Variants in SUPV3L1 observed in about 807,000 individuals in gnomAD.
SUPV3L1 encodes the protein Suv3 like RNA helicase, also known as ATP-dependent RNA helicase SUPV3L1, mitochondrial.
SUPV3L1 carries 35 observed loss-of-function variants against 70.0 expected under a neutral mutation model. The observed-to-expected ratio is 0.50, with a 90% CI of 0.38 to 0.66. The LOEUF is 0.66. SUPV3L1 is among the 30% of genes least tolerant of loss of function. The pLI is 0.00. For missense variants in SUPV3L1, 777 were observed against 961.5 expected (o/e 0.81, Z 2.54); for synonymous variants, 364 against 341.9 (o/e 1.06, Z -0.71).
chr10:69,182,486 T>C (rs1842093996), intron 1 of SUPV3L1: 1 of 980,150 alleles, frequency 1.0e-6, no homozygotes, highest in South Asian at 4.7e-5. Flanking sequence ...TGCCTTATTG[T>C]ATTCAAATAT....
At position 69,203,517 on chromosome 10, in the gene SUPV3L1, A is replaced by T. The variant is rs562400783; in HGVS notation, c.1776+474A>T. ...TGTCTCTACTAAAAATACAAAAATT[A>T]TCCGGGCATGGTGGTGGGCACCTGT... On this transcript the variant is annotated intron_variant, in intron 13 of 14. Coordinates refer to ENST00000359655, the MANE Select transcript of SUPV3L1 (RefSeq NM_003171.5). Among the ~76,000 whole-genome samples, 458 of 151,860 alleles carry T rather than the reference A, an allele frequency of 3.0e-3. 7 individuals are homozygous for T. Among genetic ancestry groups the T allele is most frequent in the African/African-American group, 0.01 (431 of 41,462 alleles).
At chr10:69,194,688 A>G (rs776980348) in intron 6 of SUPV3L1, among the ~76,000 whole-genome samples, 2 of 149,300 alleles carry the variant, frequency 1.3e-5, no homozygotes, top group Non-Finnish European at 2.9e-5. Flanking sequence ...AGGCAGGAGG[A>G]TTGCTTGAGC....
At chr10:69,187,120 G>A (rs750331314) in intron 3 of SUPV3L1, among the ~76,000 whole-genome samples, 13 of 152,064 alleles carry the variant, frequency 8.5e-5, no homozygotes, top group African/African-American at 2.2e-4. Flanking sequence ...AAATGTTTGC[G>A]CCTTCATCTC....
rs1268590239 is a variant in SUPV3L1 at position 69,197,207 on chromosome 10, T to G, written c.1023+124T>G. The G allele has an allele frequency of 6.6e-6, 5 of 758,198 alleles. No individual in the cohort carries two copies. The African/African-American group carries it at 7.0e-5, about 11-fold the overall frequency. The allele number at this position is 758,198 out of a possible 1,614,324, so 47.0% of individuals were successfully genotyped here. ...CTTAACTAAAAAGAAAGCTTCATTT[T>G]CTTGTGATCAACTAGACCATATATA... On this transcript the variant is annotated intron_variant, in intron 8 of 14. Coordinates refer to ENST00000359655, the MANE Select transcript of SUPV3L1 (RefSeq NM_003171.5).
chr10:69,200,918 A>G (rs1037293920), intron 11 of SUPV3L1, among the ~76,000 whole-genome samples: 8 of 152,236 alleles, frequency 5.3e-5, no homozygotes, highest in Admixed American at 5.2e-4. Flanking sequence ...AACTTCATCC[A>G]GTGAGGAGAA....
chr10:69,198,255 A>G, intron 8 of SUPV3L1, 117 bp from the exon 9 acceptor site: 2 of 816,190 alleles, frequency 2.5e-6, no homozygotes, highest in Non-Finnish European at 3.8e-6. Context: ...TTTGAAAAAC[A>G]TTGGTACTTA....
intron 13 of SUPV3L1, 111 bp from the exon 14 acceptor site, chr10:69,207,682 T>C: frequency 7.6e-7 from 1 of 1,309,610 alleles, no homozygotes. Context: ...CACCTGTCTA[T>C]TGAAATACAA....
intron 3 of SUPV3L1, among the ~76,000 whole-genome samples, 200 bp downstream of exon 3, chr10:69,186,750 C>A (rs1400859424): frequency 6.6e-6 from 1 of 152,080 alleles, no homozygotes; most frequent in Non-Finnish European, 1.5e-5. Context: ...TATTACATCA[C>A]CCATATGTCT....
At chr10:69,195,469 A>G in intron 7 of SUPV3L1, 1 of 396,986 alleles carries the variant, frequency 2.5e-6, no homozygotes, top group African/African-American at 2.1e-5. Flanking sequence ...AAACTAGCAT[A>G]ACCATGTAAT....
chr10:69,190,837 T>TA (rs1842371838), intron 5 of SUPV3L1, among the ~76,000 whole-genome samples: 1 of 152,224 alleles, frequency 6.6e-6, no homozygotes, highest in Non-Finnish European at 1.5e-5. Flanking sequence ...TTCAGGCTAT[T>TA]ATGATGACCA....
chr10:69,200,641 A>T (rs1182211193), intron 11 of SUPV3L1, 142 bp downstream of exon 11: 3 of 147,666 alleles, frequency 2.0e-5, no homozygotes, highest in Non-Finnish European at 3.1e-5. Flanking sequence ...AAACTGCATT[A>T]AAAAAAGCCC....
At chr10:69,202,384 G>A in intron 11 of SUPV3L1, 55 bp from the exon 12 acceptor site, 2 of 1,508,902 alleles carry the variant, frequency 1.3e-6, no homozygotes, top group Non-Finnish European at 1.8e-6. Flanking sequence ...AAGAAAATTT[G>A]TCCTTTTTGA....
rs747659952 is a variant in SUPV3L1 at position 69,208,796 on chromosome 10, A to G, written c.2122A>G (p.Arg708Gly). 2 of 1,614,198 alleles carry G rather than the reference A, an allele frequency of 1.2e-6. No homozygotes were observed. The highest frequency in any genetic ancestry group is 2.2e-5 in the East Asian group (1 of 44,882). The change falls in exon 15 of 15, where the codon AGA becomes GGA. Residue 708 changes from arginine to glycine, a missense_variant. Arg to Gly is a moderately radical substitution (Grantham distance 125, BLOSUM62 -2). This residue lies in a region of SUPV3L1 where 619 missense variants were observed against 823.3 expected (regional missense o/e 0.75). Coordinates refer to ENST00000359655, the MANE Select transcript of SUPV3L1 (RefSeq NM_003171.5). Reference protein sequence around the residue: ...RLSGTLKSQARRTRGTKALGS... With the variant: ...RLSGTLKSQAGRTRGTKALGS... ...GTCAGGAACCTTAAAGAGCCAAGCT[A>G]GAAGGACACGCGGCACCAAAGCTCT...
At chr10:69,180,869 C>G (rs1476708604) in intron 1 of SUPV3L1, among the ~76,000 whole-genome samples, 1 of 152,234 alleles carries the variant, frequency 6.6e-6, no homozygotes, top group Non-Finnish European at 1.5e-5. Context: ...TGGACGCCCG[C>G]TCTTTCTTGC....
chr10:69,185,350 T>G (rs574342010), intron 1 of SUPV3L1, among the ~76,000 whole-genome samples: 1 of 152,298 alleles, frequency 6.6e-6, no homozygotes, highest in Admixed American at 6.5e-5. Context: ...GCTCACTGTT[T>G]GGATGTGCAG....
rs7905984 is a variant in SUPV3L1, at chr10:69,203,144, A to T, written c.1776+101A>T. On this transcript the variant is annotated intron_variant, in intron 13 of 14. Transcript: ENST00000359655. Reference sequence around the variant, plus strand: ...AAATAAAATAATTACAAGAGTATTCAGTAATATGAGAGACTTTGTAAAAAC... The same window carrying T: ...AAATAAAATAATTACAAGAGTATTCTGTAATATGAGAGACTTTGTAAAAAC... 11,162 of 1,274,986 alleles carry T rather than the reference A, an allele frequency of 8.8e-3. 746 individuals carry two copies. In the African/African-American group the frequency reaches 0.15, roughly 17 times the overall value. The allele number at this position is 1,274,986 out of a possible 1,614,324, so 79.0% of individuals were successfully genotyped here.
At position 69,198,513 on chromosome 10, in the gene SUPV3L1, G is replaced by A. The variant is rs374621272; in HGVS notation, c.1165G>A (p.Gly389Arg). Reference sequence around the variant, plus strand: ...TGTGAGTCGGCAGATTGAAATTCGGGGATTAGAATCAGCTGTTATATATGG... The same window carrying A: ...TGTGAGTCGGCAGATTGAAATTCGGAGATTAGAATCAGCTGTTATATATGG... ...YSVSRQIEIR[G>R]LESAVIYGSL... The change falls in exon 9 of 15, where the codon GGA becomes AGA. Residue 389 changes from glycine to arginine, a missense_variant. Transcript: ENST00000359655. 64 of 1,613,654 alleles carry A rather than the reference G, an allele frequency of 4.0e-5. No individual in the cohort carries two copies. The highest frequency in any genetic ancestry group is 4.8e-5 in the Non-Finnish European group (57 of 1,179,952).
intron 8 of SUPV3L1, among the ~76,000 whole-genome samples, chr10:69,197,814 C>T (rs1189802390): frequency 6.6e-6 from 1 of 152,186 alleles, no homozygotes; most frequent in East Asian, 1.9e-4. Flanking sequence ...AGCAATTCTC[C>T]CACCTTGGCC....
At chr10:69,180,908 G>A (rs1395819740) in intron 1 of SUPV3L1, among the ~76,000 whole-genome samples, 1 of 152,188 alleles carries the variant, frequency 6.6e-6, no homozygotes, top group Non-Finnish European at 1.5e-5. Context: ...ACCCCCGAAT[G>A]GGATGTGGCA....
Sources: allele counts gnomAD v4.1 joint callset (sites outside exome capture counted in the v4.1 genomes callset), GRCh38; gene constraint gnomAD v4.1.1; regional missense constraint gnomAD v4.1.1; transcripts MANE v1.5; gene names NCBI Gene and HGNC (gene_info 2026-07-23, HGNC 2026-07-21).